FAM184B: variants seen among roughly 807,000 people sequenced by gnomAD.
FAM184B encodes family with sequence similarity 184 member B.
FAM184B carries 111 observed loss-of-function variants against 135.9 expected under a neutral mutation model. The ratio of observed to expected loss-of-function variants is 0.82; its 90% CI spans 0.70 to 0.96. The LOEUF is 0.96. Among genes scored for constraint, FAM184B ranks in the 40% least tolerant of loss-of-function variants. The pLI is 0.00. For missense variants in FAM184B, 1,375 were observed against 1,323.9 expected, an observed-to-expected ratio of 1.04 and a Z score of -0.60; for synonymous variants, 552 against 524.8, an observed-to-expected ratio of 1.05 and a Z score of -0.71.
At chr4:17,740,127 G>A (rs573869437) in intron 1 of FAM184B, among the ~76,000 whole-genome samples, 14 of 152,044 alleles carry the variant, frequency 9.2e-5, no homozygotes, top group South Asian at 6.2e-4. Context: ...TGAGGTGGGC[G>A]GATCGCAGGA....
intron 13 of FAM184B, among the ~76,000 whole-genome samples, chr4:17,639,831 C>CTTT (rs11445596): frequency 1.5e-4 from 21 of 143,966 alleles, no homozygotes; most frequent in African/African-American, 5.4e-4. Context: ...CCTCCCTGAA[C>CTTT]TTTTTTTTTT....
intron 1 of FAM184B, among the ~76,000 whole-genome samples, chr4:17,719,021 G>T (rs1717460337): frequency 6.6e-6 from 1 of 152,128 alleles, no homozygotes; most frequent in Non-Finnish European, 1.5e-5. Context: ...AAGCTTGGCT[G>T]GTACAACCCC....
chr4:17,726,158 T>C (rs899612559), intron 1 of FAM184B, among the ~76,000 whole-genome samples: 4 of 152,034 alleles, frequency 2.6e-5, no homozygotes, highest in Admixed American at 2.0e-4. Flanking sequence ...TCTCCTGACC[T>C]TGTGATCCGC....
At chr4:17,757,805 C>G (rs1718455207) in intron 1 of FAM184B, among the ~76,000 whole-genome samples, 1 of 151,942 alleles carries the variant, frequency 6.6e-6, no homozygotes, top group Non-Finnish European at 1.5e-5. Flanking sequence ...TAACTGGAAT[C>G]ACATCAAGAA....
intron 7 of FAM184B, among the ~76,000 whole-genome samples, chr4:17,669,108 A>G (rs1243093270): frequency 6.6e-6 from 1 of 152,210 alleles, no homozygotes; most frequent in East Asian, 1.9e-4. Context: ...CTATGTAACT[A>G]GAAACTAAAG....
intron 7 of FAM184B, among the ~76,000 whole-genome samples, chr4:17,687,148 A>G (rs1281832069): frequency 6.6e-6 from 1 of 152,126 alleles, no homozygotes; most frequent in Non-Finnish European, 1.5e-5. Flanking sequence ...GCCCTGGAAG[A>G]TGGGGGTCAT....
intron 14 of FAM184B, among the ~76,000 whole-genome samples, chr4:17,638,184 T>G (rs1368175156): frequency 6.9e-6 from 1 of 144,572 alleles, no homozygotes; most frequent in Non-Finnish European, 1.5e-5. Flanking sequence ...CTATTTTTTT[T>G]GTTTTGTTTT....
chr4:17,639,118 C>T (rs1035404840), intron 14 of FAM184B, 132 bp downstream of exon 14: 69 of 879,984 alleles, frequency 7.8e-5, no homozygotes, highest in Non-Finnish European at 1.1e-4. Flanking sequence ...CAGGCATGAG[C>T]CACCGTGCCT....
At chr4:17,767,442 A>G (rs1718725730) in intron 1 of FAM184B, among the ~76,000 whole-genome samples, 1 of 152,250 alleles carries the variant, frequency 6.6e-6, no homozygotes, top group African/African-American at 2.4e-5. Flanking sequence ...AATAAAGGCA[A>G]ATTGCTAAAG....
rs577641545 is a variant in FAM184B at position 17,696,114 on chromosome 4, C to T, written c.1378-2702G>A. The stretch of plus-strand genomic sequence containing the variant: ...GCTGAGTACATGCCATTTGCTGGCA[C>T]TTTACACAGATCATCTCTCTGGTCT... On this transcript the variant is annotated intron_variant, in intron 5 of 17. Coordinates refer to ENST00000265018, the MANE Select transcript of FAM184B (RefSeq NM_015688.2). Among the ~76,000 whole-genome samples the T allele has an allele frequency of 2.6e-4, 39 of 152,280 alleles. 1 individual carries two copies. The South Asian group carries it at 3.7e-3, about 15-fold the overall frequency.
rs1716350589 is a variant in FAM184B, at chr4:17,677,924, T to C, written c.1596+10500A>G. 2.6e-5 allele frequency among the ~76,000 whole-genome samples: 4 copies of C among 152,142 alleles called. No individual in the cohort carries two copies. In the South Asian group the frequency reaches 6.2e-4, roughly 24 times the overall value. On this transcript the variant is annotated intron_variant, in intron 7 of 17. Transcript: ENST00000265018. ...AAACAATTAAAACAAAAAAATCACA[T>C]GATCATCTCAATAGATGCAGAAAAA...
intron 1 of FAM184B, among the ~76,000 whole-genome samples, chr4:17,763,555 G>T (rs559297032): frequency 1.6e-4 from 21 of 129,514 alleles, no homozygotes; most frequent in Admixed American, 1.1e-3. Flanking sequence ...AAGACTGGAC[G>T]GACACACTTT....
At chr4:17,771,568 A>G (rs1178823104) in intron 1 of FAM184B, among the ~76,000 whole-genome samples, 2 of 152,184 alleles carry the variant, frequency 1.3e-5, no homozygotes, top group Non-Finnish European at 2.9e-5. Flanking sequence ...CTGTCCCCAA[A>G]CAAGCTCCTG....
At chr4:17,744,461 T>TCACACACA (rs57912683) in intron 1 of FAM184B, among the ~76,000 whole-genome samples, 1 of 140,878 alleles carries the variant, frequency 7.1e-6, no homozygotes, top group East Asian at 2.2e-4. Flanking sequence ...TCTCTCTCTC[T>TCACACACA]CACACACACA....
intron 7 of FAM184B, among the ~76,000 whole-genome samples, chr4:17,684,603 G>T (rs1716534563): frequency 6.6e-6 from 1 of 152,228 alleles, no homozygotes. Flanking sequence ...CCAGCTCAGA[G>T]GCTGGCACAT....
chr4:17,776,746 A>G (rs895208402), intron 1 of FAM184B, among the ~76,000 whole-genome samples: 1 of 151,832 alleles, frequency 6.6e-6, no homozygotes, highest in African/African-American at 2.4e-5. Context: ...TTTTTTTTAG[A>G]GGAGGTGGGA....
intron 1 of FAM184B, among the ~76,000 whole-genome samples, chr4:17,729,381 G>C (rs1717719404): frequency 6.6e-6 from 1 of 152,214 alleles, no homozygotes; most frequent in South Asian, 2.1e-4. Context: ...GTCCCTGTCT[G>C]ACAGCTTTGA....
intron 6 of FAM184B, among the ~76,000 whole-genome samples, chr4:17,691,708 GA>G (rs1273927016): frequency 4.1e-5 from 6 of 147,816 alleles, no homozygotes; most frequent in Admixed American, 6.8e-5. Flanking sequence ...AAAAAGAAAG[GA>G]AAAAAAAGAG....
At chr4:17,723,903 G>T (rs1273938701) in intron 1 of FAM184B, among the ~76,000 whole-genome samples, 1 of 152,134 alleles carries the variant, frequency 6.6e-6, no homozygotes, top group Non-Finnish European at 1.5e-5. Flanking sequence ...GTGCCCTGTG[G>T]TTCCCTGTCT....
Sources: gnomAD v4.1 joint callset for allele counts (sites outside exome capture counted in the v4.1 genomes callset) on GRCh38, gnomAD v4.1.1 for gene constraint, MANE v1.5 for transcripts, NCBI Gene and HGNC (gene_info 2026-07-23, HGNC 2026-07-21) for gene names.